The following RGS12 variants were observed in gnomAD, a reference collection of about 807,000 sequenced individuals.
RGS12 encodes the protein regulator of G-protein signaling 12.
In RGS12, 66 loss-of-function variants were observed where a neutral mutation model predicts 120.1. The ratio of observed to expected loss-of-function variants is 0.55; its 90% CI spans 0.45 to 0.67. The LOEUF (loss-of-function observed/expected upper bound fraction) is 0.67, where lower values mean the gene tolerates loss of function less well. RGS12 is among the 30% of genes least tolerant of loss of function. The probability of loss-of-function intolerance (pLI) is 0.00; values close to 1 mark genes in which losing one functional copy is unlikely to be tolerated. For missense variants in RGS12, 1,859 were observed against 1,957.7 expected, an observed-to-expected ratio of 0.95 and a Z score of 0.95; for synonymous variants, 827 against 804.7, an observed-to-expected ratio of 1.03 and a Z score of -0.47.
intron 3 of RGS12, among the ~76,000 whole-genome samples, chr4:3,359,662 G>A (rs927638292): frequency 2.6e-5 from 3 of 114,368 alleles, no homozygotes; most frequent in Non-Finnish European, 5.4e-5. Flanking sequence ...TTACTCTTTT[G>A]CCCAGGCTGG....
chr4:3,438,410 C>T (rs11930854), intron 17 of RGS12, among the ~76,000 whole-genome samples: 3,933 of 151,816 alleles, frequency 0.026, 170 homozygotes, highest in African/African-American at 0.09. Flanking sequence ...ACGTCACCCC[C>T]ACCGTACAGA....
rs372357063 is a variant in RGS12 at position 3,311,848 on chromosome 4, T to G, written c.-101-4222T>G. On this transcript the variant is annotated intron_variant, in intron 1 of 17. Coordinates refer to ENST00000336727, the MANE Select transcript of RGS12 (RefSeq NM_001394154.1). ...TCTCTTCTAAGGGACACTCAGCCTG[T>G]GTGACGTGGTCGGTGACTCCTGATG... Among the ~76,000 whole-genome samples the G allele has an allele frequency of 4.6e-5, 7 of 152,334 alleles. No individual in the cohort carries two copies. In the South Asian group the frequency reaches 1.4e-3, roughly 32 times the overall value.
At chr4:3,288,672 C>T (rs1722952517), upstream of RGS12, among the ~76,000 whole-genome samples, 3 of 152,204 alleles carry the variant, frequency 2.0e-5, no homozygotes, top group Admixed American at 2.0e-4. This position sits in a 1 kb window ranked among gnomAD's most constrained non-coding sequence, Gnocchi z 5.2. Flanking sequence ...TTGCCACAGG[C>T]CCAAGGGAAG....
At chr4:3,370,203 C>T (rs1414905110) in intron 3 of RGS12, 3 of 1,587,420 alleles carry the variant, frequency 1.9e-6, no homozygotes, top group Non-Finnish European at 2.6e-6. Context: ...TTCTCACACG[C>T]ACAAGCTGCG....
intron 3 of RGS12, among the ~76,000 whole-genome samples, chr4:3,376,247 A>AACACAC (rs55666879): frequency 0.094 from 13,439 of 143,322 alleles, 648 homozygotes; most frequent in Non-Finnish European, 0.1. Flanking sequence ...AGCTCCTTGG[A>AACACAC]ACACACACAC....
chr4:3,338,337 G>C (rs1712702392), intron 2 of RGS12, among the ~76,000 whole-genome samples: 1 of 152,280 alleles, frequency 6.6e-6, no homozygotes, highest in Non-Finnish European at 1.5e-5. Flanking sequence ...TGGGATTACA[G>C]GCGTGAGCCA....
At chr4:3,354,553 T>C (rs1578800875) in intron 3 of RGS12, among the ~76,000 whole-genome samples, 1 of 152,228 alleles carries the variant, frequency 6.6e-6, no homozygotes, top group Non-Finnish European at 1.5e-5. Context: ...TTCAAGCCTG[T>C]CCTGCAGAAA....
chr4:3,298,400 G>C, intron 1 of RGS12, among the ~76,000 whole-genome samples: 1 of 152,022 alleles, frequency 6.6e-6, no homozygotes, highest in East Asian at 1.9e-4. Flanking sequence ...GCCCAGGCTG[G>C]AGTGCAGTGG....
intron 3 of RGS12, among the ~76,000 whole-genome samples, chr4:3,375,182 C>T (rs903886976): frequency 6.6e-6 from 1 of 152,202 alleles, no homozygotes; most frequent in South Asian, 2.1e-4. Flanking sequence ...CATTTTGAGA[C>T]AGTCGCTGAG....
At chr4:3,291,346 C>CTT (rs1491171473), upstream of RGS12, among the ~76,000 whole-genome samples, 35 of 105,916 alleles carry the variant, frequency 3.3e-4, no homozygotes, top group East Asian at 6.6e-3. Flanking sequence ...TCTTTCCTGG[C>CTT]TCTTTTTTTT....
In RGS12 at chr4:3,316,893, T is replaced by C; in HGVS notation, c.723T>C (p.Pro241=). ...IVGYLGSIEL[P]STSSNLESDS... is the part of the protein sequence containing the mutation. ...GCTACTTAGGCTCCATTGAGCTTCC[T>C]TCCACGAGCTCCAACCTGGAGTCCG... is the stretch of plus-strand genomic sequence containing the variant. The change falls in exon 2 of 18, where the codon CCT becomes CCC. Residue 241 remains proline, a synonymous_variant. Transcript: ENST00000336727. 6.2e-7 allele frequency: 1 copy of C among 1,614,082 alleles called. No homozygotes were observed. Among genetic ancestry groups the C allele is most frequent in the Non-Finnish European group, 8.5e-7 (1 of 1,180,046 alleles).
At position 3,316,517 on chromosome 4, in the gene RGS12, G is replaced by GA; in HGVS notation, c.351dup (p.Gly118ArgfsTer10). The GA allele has an allele frequency of 6.2e-7, 1 of 1,614,164 alleles. No homozygotes were observed. The highest frequency in any genetic ancestry group is 8.5e-7 in the Non-Finnish European group (1 of 1,180,038). The stretch of plus-strand genomic sequence containing the variant: ...GATGAAGAAGGGGGACTCTATGAAG[G>GA]AAAAGGCTGGCTGAAGCCCAAGCTG... On this transcript the variant is annotated frameshift_variant, in exon 2 of 18. Coordinates refer to ENST00000336727, the MANE Select transcript of RGS12 (RefSeq NM_001394154.1). LOFTEE classifies it high-confidence loss of function.
At chr4:3,330,320 A>G (rs530949916) in intron 2 of RGS12, among the ~76,000 whole-genome samples, 1 of 152,336 alleles carries the variant, frequency 6.6e-6, no homozygotes, top group South Asian at 2.1e-4. Context: ...CCTGCTAGCA[A>G]ATATCCTTGG....
In RGS12 at chr4:3,317,698, G is replaced by C; in HGVS notation, c.1528G>C (p.Val510Leu). 1 of 1,612,510 alleles carries C rather than the reference G, an allele frequency of 6.2e-7. No homozygotes were observed. The highest frequency in any genetic ancestry group is 2.2e-5 in the East Asian group (1 of 44,868). Residue 510 changes from valine (V) to leucine (L), a missense_variant, in exon 2 of 18, where the codon GTG becomes CTG. Transcript: ENST00000336727. ...KHLGPASPVE[V>L]PPASLRSSVP... ...CCTAGGGCCAGCCTCTCCTGTGGAG[G>C]TGCCCCCAGCTTCCTTGAGGAGCTC... is the stretch of plus-strand genomic sequence containing the variant.
chr4:3,293,366 G>C (rs1350761931), intron 1 of RGS12, among the ~76,000 whole-genome samples: 1 of 146,004 alleles, frequency 6.8e-6, no homozygotes, highest in East Asian at 2.0e-4. Flanking sequence ...TGGGGCCTCC[G>C]GCCGGGCGGG....
chr4:3,415,252 G>A lies in RGS12; in HGVS notation c.2283+408G>A, dbSNP rs16844303. Among the ~76,000 whole-genome samples, 525 of 152,236 alleles carry A rather than the reference G, an allele frequency of 3.4e-3. 7 individuals carry two copies. Among genetic ancestry groups the A allele is most frequent in the East Asian group, 0.02 (106 of 5,188 alleles). The stretch of plus-strand genomic sequence containing the variant: ...TCATTGGAGGCTGGCTCGGTGCAGG[G>A]AGCATCTAGAGCAGTTGGAAAGTGG... On this transcript the variant is annotated intron_variant, in intron 6 of 17. Coordinates refer to ENST00000336727, the MANE Select transcript of RGS12 (RefSeq NM_001394154.1).
intron 4 of RGS12, among the ~76,000 whole-genome samples, chr4:3,402,101 G>T (rs914714706): frequency 6.6e-6 from 1 of 152,254 alleles, no homozygotes; most frequent in East Asian, 1.9e-4. Context: ...CAGATTTTTG[G>T]AAGCCCGGTT....
At position 3,423,748 on chromosome 4, in the gene RGS12, C is replaced by T; in HGVS notation, c.3234+107C>T. On this transcript the variant is annotated intron_variant, in intron 13 of 17. Transcript: ENST00000336727. Reference sequence around the variant, plus strand: ...AGGGCACACCAAGAAGCGGTGTCTTCCCCTGATCTGGTTGTCCCCCTTGGA... The same window carrying T: ...AGGGCACACCAAGAAGCGGTGTCTTTCCCTGATCTGGTTGTCCCCCTTGGA... 2.1e-6 allele frequency: 3 copies of T among 1,398,342 alleles called. No individual in the cohort carries two copies. The South Asian group carries it at 4.1e-5, about 19-fold the overall frequency. The allele number at this position is 1,398,342 out of a possible 1,614,324, so 86.6% of individuals were successfully genotyped here.
chr4:3,312,477 T>C (rs1314191767), intron 1 of RGS12: 1 of 218,246 alleles, frequency 4.6e-6, no homozygotes, highest in Non-Finnish European at 9.9e-6. Context: ...CGTTCTGGAC[T>C]CTTTACCCAC....
Sources: allele counts gnomAD v4.1 joint callset (sites outside exome capture counted in the v4.1 genomes callset), GRCh38; gene constraint gnomAD v4.1.1; non-coding constraint Gnocchi (gnomAD v3.1); transcripts MANE v1.5; gene names NCBI Gene and HGNC (gene_info 2026-07-23, HGNC 2026-07-21).